NLRP11: variants seen among roughly 807,000 people sequenced by gnomAD.
NLRP11 encodes NACHT, LRR and PYD domains-containing protein 11.
A neutral mutation model predicts 79.3 loss-of-function variants in NLRP11; 53 were observed. The observed-to-expected ratio is 0.67, with a 90% CI of 0.54 to 0.84. NLRP11 has a LOEUF of 0.84. NLRP11 is among the 40% of genes least tolerant of loss of function. NLRP11 has a pLI of 0.00. For synonymous variants in NLRP11, 518 were observed against 462.6 expected, an observed-to-expected ratio of 1.12 and a Z score of -1.54; for missense variants, 1,264 against 1,255.0, an observed-to-expected ratio of 1.01 and a Z score of -0.11.
At chr19:55,823,428 G>C (rs1260579055) in intron 1 of NLRP11, among the ~76,000 whole-genome samples, 1 of 140,040 alleles carries the variant, frequency 7.1e-6, no homozygotes, top group Non-Finnish European at 1.5e-5. Context: ...ACTTTGAGGA[G>C]CTGAGAGAAG....
chr19:55,802,846 C>T (rs772120900), intron 4 of NLRP11, among the ~76,000 whole-genome samples: 5 of 152,046 alleles, frequency 3.3e-5, no homozygotes, highest in Non-Finnish European at 5.9e-5. Flanking sequence ...GAATAGAGAA[C>T]CCAGAAATGA....
chr19:55,809,938 G>T lies in NLRP11; in HGVS notation c.672C>A (p.Leu224=). The T allele has an allele frequency of 6.2e-7, 1 of 1,614,174 alleles. No homozygotes were observed. ...TGTCCAAGTCCTCGAGGATGAAAAG[G>T]AGTTTCTTGGGATCAGACAGGATGT... Residue 224 remains leucine (L), a synonymous_variant, in exon 3 of 10, where the codon CTC becomes CTA. Coordinates refer to ENST00000589093, the Ensembl canonical transcript of NLRP11. The surrounding 1 kb of genome is among the most constrained non-coding windows in gnomAD (Gnocchi z 4.5).
exon 3 of NLRP11, chr19:55,810,310 C>G: frequency 6.2e-7 from 1 of 1,612,262 alleles, no homozygotes; most frequent in Non-Finnish European, 8.5e-7. Flanking sequence ...ATTTTCTCCT[C>G]ATGACAGCTT....
intron 2 of NLRP11, among the ~76,000 whole-genome samples, chr19:55,817,322 GTGTATC>G (rs1431427320): frequency 6.6e-6 from 1 of 152,116 alleles, no homozygotes; most frequent in African/African-American, 2.4e-5. Context: ...TCCCACTACT[GTGTATC>G]TACCCAGAGG....
chr19:55,811,494 G>A (rs1980595281), intron 2 of NLRP11, among the ~76,000 whole-genome samples: 1 of 152,092 alleles, frequency 6.6e-6, no homozygotes, highest in South Asian at 2.1e-4. Context: ...CTGGTGTGGT[G>A]GACCTGAATG....
At chr19:55,813,886 C>CA (rs1980838930) in intron 2 of NLRP11, among the ~76,000 whole-genome samples, 1 of 152,120 alleles carries the variant, frequency 6.6e-6, no homozygotes, top group Admixed American at 6.6e-5. Context: ...AACTTGGGTT[C>CA]ACTTCCCCCT....
intron 5 of NLRP11, among the ~76,000 whole-genome samples, 186 bp from the exon 6 acceptor site, chr19:55,796,436 G>T (rs1212292134): frequency 6.6e-6 from 1 of 152,080 alleles, no homozygotes; most frequent in Non-Finnish European, 1.5e-5. Flanking sequence ...TTTGGGCAAG[G>T]TTACAGATTC....
chr19:55,794,276 AAG>A (rs1418211708), intron 6 of NLRP11, among the ~76,000 whole-genome samples: 1 of 152,216 alleles, frequency 6.6e-6, no homozygotes, highest in Non-Finnish European at 1.5e-5. Context: ...AAAAGAAAAA[AAG>A]AAAAAATCTA....
At chr19:55,803,316 G>A (rs77361613) in intron 4 of NLRP11, among the ~76,000 whole-genome samples, 1 of 151,904 alleles carries the variant, frequency 6.6e-6, no homozygotes, top group African/African-American at 2.4e-5. Context: ...CACTGTACTG[G>A]GGAACAGAGC....
At position 55,796,081 on chromosome 19, in the gene NLRP11, CCAGTGATA is replaced by C; in HGVS notation, c.2333_2340del (p.Ile778SerfsTer9). The stretch of plus-strand genomic sequence containing the variant: ...GTGAGCTCGTCTAAGCCAACTTACA[CCAGTGATA>C]TAAGAGTGCAGTTGGGATGAAGCAA... On this transcript the variant is annotated frameshift_variant and splice_region_variant, in exon 6 of 10. Coordinates refer to ENST00000589093, the Ensembl canonical transcript of NLRP11. LOFTEE classifies it high-confidence loss of function. 1.2e-6 allele frequency: 2 copies of C among 1,608,894 alleles called. No individual in the cohort carries two copies. The highest frequency in any genetic ancestry group is 1.7e-6 in the Non-Finnish European group (2 of 1,175,778).
chr19:55,831,337 A>G (rs1982768968), intron 1 of NLRP11, among the ~76,000 whole-genome samples: 2 of 151,590 alleles, frequency 1.3e-5, no homozygotes, highest in Non-Finnish European at 2.9e-5. Context: ...CAAGGTGGGC[A>G]CATTACTTGA....
In NLRP11 at chr19:55,809,419, C is replaced by T. The variant is rs766985824; in HGVS notation, c.1191G>A (p.Leu397=). The T allele has an allele frequency of 6.2e-7, 1 of 1,614,192 alleles. No individual in the cohort carries two copies. Among genetic ancestry groups the T allele is most frequent in the Non-Finnish European group, 8.5e-7 (1 of 1,180,042 alleles). Residue 397 remains leucine, a synonymous_variant, in exon 3 of 10, where the codon CTG becomes CTA. Coordinates refer to ENST00000589093, the Ensembl canonical transcript of NLRP11. The surrounding 1 kb of genome is among the most constrained non-coding windows in gnomAD (Gnocchi z 4.5). ...ACAGTCCTCCTGCAGCCAGCAAACA[C>T]AGACGTTTTAGGAGACCTAGGTGAT...
At chr19:55,789,842 C>T (rs187419559) in intron 7 of NLRP11, among the ~76,000 whole-genome samples, 2 of 152,324 alleles carry the variant, frequency 1.3e-5, no homozygotes, top group East Asian at 3.9e-4. Flanking sequence ...GAGGATTTTA[C>T]CAAATGGTCC....
At chr19:55,788,670 G>A in intron 9 of NLRP11, 137 bp downstream of exon 9, 2 of 608,040 alleles carry the variant, frequency 3.3e-6, no homozygotes, top group South Asian at 2.2e-5. Flanking sequence ...AAGCTGGGAG[G>A]CTGATGTTGC....
chr19:55,811,420 C>T (rs901569857), intron 2 of NLRP11, among the ~76,000 whole-genome samples: 7 of 152,082 alleles, frequency 4.6e-5, no homozygotes, highest in African/African-American at 1.7e-4. Flanking sequence ...AAAGAGGGAG[C>T]CTGGCAGCAT....
chr19:55,803,812 A>C lies in NLRP11; in HGVS notation c.2004-2073T>G, dbSNP rs1428445326. The stretch of plus-strand genomic sequence containing the variant: ...TCAAAAAATAACAGGCTGGGCGTGG[A>C]GGCTCATGCCTGTAATCCTAGCACT... On this transcript the variant is annotated intron_variant, in intron 4 of 9. Coordinates refer to ENST00000589093, the Ensembl canonical transcript of NLRP11. Among the ~76,000 whole-genome samples, 3 of 152,164 alleles carry C rather than the reference A, an allele frequency of 2.0e-5. No homozygotes were observed. In the East Asian group the frequency reaches 5.8e-4, roughly 29 times the overall value.
intron 7 of NLRP11, 115 bp downstream of exon 7, chr19:55,792,186 G>A (rs910993812): frequency 9.4e-5 from 82 of 875,206 alleles, no homozygotes; most frequent in Non-Finnish European, 1.3e-4. Flanking sequence ...CCATGCTCCC[G>A]TACCCCTATC....
chr19:55,785,461 G>A (rs1384353925), exon 10 of NLRP11: 3 of 639,846 alleles, frequency 4.7e-6, no homozygotes, highest in East Asian at 5.6e-5. Context: ...TTGAGACAGT[G>A]TAGGAATTTG....
chr19:55,796,124 C>G (rs1233156181), exon 6 of NLRP11: 1 of 1,614,102 alleles, frequency 6.2e-7, no homozygotes, highest in Admixed American at 1.7e-5. Flanking sequence ...AGGCATCACA[C>G]AGTATGTTCA....
Sources: allele counts gnomAD v4.1 joint callset (sites outside exome capture counted in the v4.1 genomes callset), GRCh38; gene constraint gnomAD v4.1.1; non-coding constraint Gnocchi (gnomAD v3.1); transcripts MANE v1.5; gene names NCBI Gene and HGNC (gene_info 2026-07-23, HGNC 2026-07-21).